The following GIPC2 variants were observed in gnomAD, a reference collection of about 807,000 sequenced individuals.
GIPC2 encodes PDZ domain-containing protein GIPC2.
Under a neutral mutation model 30.6 loss-of-function variants are expected in GIPC2, and 30 were observed. The observed-to-expected ratio is 0.98, with a 90% CI of 0.73 to 1.33. The LOEUF is 1.33. Ranked by LOEUF, GIPC2 falls within the 40% of genes most tolerant of loss-of-function variation. The pLI, the probability that GIPC2 is intolerant of heterozygous loss-of-function variation, is 0.00. For missense variants in GIPC2, 414 were observed against 390.3 expected (o/e 1.06, Z -0.51); for synonymous variants, 167 against 150.0 (o/e 1.11, Z -0.83).
chr1:78,045,984 C>T lies in GIPC2; in HGVS notation c.-111C>T. 7.2e-7 allele frequency: 1 copy of T among 1,380,984 alleles called. No homozygotes were observed. Among genetic ancestry groups the T allele is most frequent in the South Asian group, 1.7e-5 (1 of 58,342 alleles). The allele number at this position is 1,380,984 out of a possible 1,614,324, so 85.5% of individuals were successfully genotyped here. A position where few individuals can be genotyped will look rare whatever the true frequency, so the allele number is the denominator to read the frequency against. Reference sequence around the variant, plus strand: ...CGCAGCCAGGCGGAAGCGCGGCTGCCATTGGAGGCTGCTTTTACCTGCGCG... The same window carrying T: ...CGCAGCCAGGCGGAAGCGCGGCTGCTATTGGAGGCTGCTTTTACCTGCGCG... On this transcript the variant is annotated 5_prime_UTR_variant, in exon 1 of 6. Transcript: ENST00000370759.
chr1:78,109,929 T>C (rs748912729), intron 3 of GIPC2, among the ~76,000 whole-genome samples: 27 of 151,704 alleles, frequency 1.8e-4, no homozygotes, highest in Non-Finnish European at 3.8e-4. Flanking sequence ...CAGCAAACTG[T>C]CGCAAGGACA....
intron 1 of GIPC2, among the ~76,000 whole-genome samples, chr1:78,071,564 CTTCTTCTTCT>C (rs922131424): frequency 1.4e-5 from 2 of 145,608 alleles, no homozygotes; most frequent in African/African-American, 2.5e-5. Context: ...CTTCTTTTTT[CTTCTTCTTCT>C]TTCTTCTTCT....
rs1444138130 is a variant in GIPC2 at position 78,046,294 on chromosome 1, A to G, written c.200A>G (p.Tyr67Cys). Residue 67 changes from tyrosine (Y) to cysteine (C), a missense_variant, in exon 1 of 6, where the codon TAC becomes TGC. Coordinates refer to ENST00000370759, the MANE Select transcript of GIPC2 (RefSeq NM_017655.6). ...GGCTTCTCCAGCATCCAGGAGCTCT[A>G]CGCCCAGATCGCGGGCGCGTTTGAA... ...VEGFSSIQEL[Y>C]AQIAGAFEIS... 6.2e-7 allele frequency: 1 copy of G among 1,611,640 alleles called. No homozygotes were observed. The highest frequency in any genetic ancestry group is 8.5e-7 in the Non-Finnish European group (1 of 1,179,468).
chr1:78,061,343 A>G (rs1661388055), intron 1 of GIPC2, among the ~76,000 whole-genome samples: 1 of 152,096 alleles, frequency 6.6e-6, no homozygotes, highest in Non-Finnish European at 1.5e-5. Flanking sequence ...CTGAATTGGG[A>G]TCCAAGAAAC....
rs1662995703 is a variant in GIPC2 at position 78,135,968 on chromosome 1, G to A, written c.*225G>A. ...GAAATGACCTAAATAAGGATCAATT[G>A]TAATATTCATTCAAAAGGTTTTTAA... On this transcript the variant is annotated 3_prime_UTR_variant, in exon 6 of 6. Coordinates refer to ENST00000370759, the MANE Select transcript of GIPC2 (RefSeq NM_017655.6). 1 of 369,976 alleles carries A rather than the reference G, an allele frequency of 2.7e-6. No homozygotes were observed. The highest frequency in any genetic ancestry group is 2.1e-5 in the African/African-American group (1 of 47,288). 22.9% of individuals were successfully genotyped at this position (369,976 alleles called of 1,614,324 possible). A position where few individuals can be genotyped will look rare whatever the true frequency, so the allele number is the denominator to read the frequency against.
chr1:78,083,642 A>G (rs1661872636), intron 2 of GIPC2, among the ~76,000 whole-genome samples: 1 of 152,088 alleles, frequency 6.6e-6, no homozygotes, highest in Non-Finnish European at 1.5e-5. Context: ...CACTCCTTAT[A>G]TGTTTCTCTG....
chr1:78,048,700 A>G (rs1661142286), intron 1 of GIPC2, among the ~76,000 whole-genome samples: 1 of 152,052 alleles, frequency 6.6e-6, no homozygotes, highest in African/African-American at 2.4e-5. Flanking sequence ...AATAACACAG[A>G]CACGGAGCCA....
intron 5 of GIPC2, among the ~76,000 whole-genome samples, chr1:78,129,145 C>T (rs1181773220): frequency 6.6e-6 from 1 of 152,008 alleles, no homozygotes; most frequent in African/African-American, 2.4e-5. Flanking sequence ...AATTAGTTAT[C>T]TGTAACAAAT....
intron 1 of GIPC2, among the ~76,000 whole-genome samples, chr1:78,056,865 AT>A (rs1557526895): frequency 6.6e-6 from 1 of 152,030 alleles, no homozygotes; most frequent in Non-Finnish European, 1.5e-5. Flanking sequence ...CTTCTTTTAA[AT>A]ATGTTTTTGA....
chr1:78,117,734 G>A (rs1662595277), intron 3 of GIPC2, among the ~76,000 whole-genome samples: 4 of 152,140 alleles, frequency 2.6e-5, no homozygotes, highest in Admixed American at 2.6e-4. Context: ...CTGCCATGTG[G>A]AGTCCTCAGT....
In GIPC2 at chr1:78,046,419, A is replaced by G. The variant is rs536041363; in HGVS notation, c.240+85A>G. Reference sequence around the variant, plus strand: ...TATTTCTGTGGGCCCAGGAGGGTTGAGCGGCGTTTCCCGGAGCGCGAAATC... The same window carrying G: ...TATTTCTGTGGGCCCAGGAGGGTTGGGCGGCGTTTCCCGGAGCGCGAAATC... On this transcript the variant is annotated intron_variant, in intron 1 of 5. Coordinates refer to ENST00000370759, the MANE Select transcript of GIPC2 (RefSeq NM_017655.6). The G allele has an allele frequency of 4.4e-5, 57 of 1,309,542 alleles. No homozygotes were observed. In the African/African-American group the frequency reaches 7.5e-4, roughly 17 times the overall value. 81.1% of individuals were successfully genotyped at this position (1,309,542 alleles called of 1,614,324 possible). A position where few individuals can be genotyped will look rare whatever the true frequency, so the allele number is the denominator to read the frequency against.
At position 78,137,335 on chromosome 1, in the gene GIPC2, A is replaced by AG. The variant is rs1439930657; in HGVS notation, c.*1593dup. 6.6e-6 allele frequency: 1 copy of AG among 152,180 alleles called. No individual in the cohort carries two copies. Among genetic ancestry groups the AG allele is most frequent in the Non-Finnish European group, 1.5e-5 (1 of 68,010 alleles). 9.4% of individuals were successfully genotyped at this position (152,180 alleles called of 1,614,324 possible). A position where few individuals can be genotyped will look rare whatever the true frequency, so the allele number is the denominator to read the frequency against. On this transcript the variant is annotated 3_prime_UTR_variant, in exon 6 of 6. Coordinates refer to ENST00000370759, the MANE Select transcript of GIPC2 (RefSeq NM_017655.6). ...ACCTCTCTTGGAAAGACACAAAAAA[A>AG]GAGCTGTTATTTTTAGGCATAAGAT...
At position 78,099,524 on chromosome 1, in the gene GIPC2, C is replaced by T. The variant is rs550672648; in HGVS notation, c.607+4392C>T. ...CACGATCTCAGCTCACTGCAACTTC[C>T]GCCTCCCAGGTTCAAGCGATTCTCC... On this transcript the variant is annotated intron_variant, in intron 3 of 5. Coordinates refer to ENST00000370759, the MANE Select transcript of GIPC2 (RefSeq NM_017655.6). Among the ~76,000 whole-genome samples, 48 of 151,288 alleles carry T rather than the reference C, an allele frequency of 3.2e-4. 1 individual carries two copies. The South Asian group carries it at 4.0e-3, about 12-fold the overall frequency.
chr1:78,045,960 G>T, upstream of GIPC2: 1 of 1,371,506 alleles, frequency 7.3e-7, no homozygotes, highest in South Asian at 1.8e-5. Flanking sequence ...CTGACCCGAC[G>T]CAGCCAGGCG....
chr1:78,045,847 T>C (rs1320022744), upstream of GIPC2: 5 of 1,290,712 alleles, frequency 3.9e-6, no homozygotes, highest in East Asian at 6.7e-5. Flanking sequence ...ATAAACCTGG[T>C]GATAGGATGA....
intron 3 of GIPC2, among the ~76,000 whole-genome samples, chr1:78,116,181 A>C (rs1662563747): frequency 1.3e-5 from 2 of 152,170 alleles, no homozygotes; most frequent in African/African-American, 4.8e-5. Context: ...TTACAAAACC[A>C]TCAGATTTCA....
chr1:78,101,047 TTTGA>T (rs1201200051), intron 3 of GIPC2, among the ~76,000 whole-genome samples: 2 of 151,896 alleles, frequency 1.3e-5, no homozygotes, highest in Non-Finnish European at 2.9e-5. Flanking sequence ...AGTAATTTTC[TTTGA>T]TTGGTCGCAG....
chr1:78,072,547 G>T (rs1270945709), intron 1 of GIPC2, among the ~76,000 whole-genome samples: 1 of 152,018 alleles, frequency 6.6e-6, no homozygotes, highest in African/African-American at 2.4e-5. Flanking sequence ...TAGGGTACAT[G>T]ACTATTTTTT....
intron 1 of GIPC2, among the ~76,000 whole-genome samples, chr1:78,073,094 C>G (rs1386957034): frequency 6.6e-6 from 1 of 151,112 alleles, no homozygotes; most frequent in Non-Finnish European, 1.5e-5. Flanking sequence ...CAGGCATGAG[C>G]CACCATGCCC....
Sources: allele counts gnomAD v4.1 joint callset (sites outside exome capture counted in the v4.1 genomes callset), GRCh38; gene constraint gnomAD v4.1.1; transcripts MANE v1.5; gene names NCBI Gene and HGNC (gene_info 2026-07-23, HGNC 2026-07-21).